DRAXIN: variants seen among roughly 807,000 people sequenced by gnomAD.
The protein encoded by DRAXIN is dorsal repulsive axon guidance protein.
Under a neutral mutation model 33.9 loss-of-function variants are expected in DRAXIN, and 27 were observed. That is an observed-to-expected ratio of 0.80 (90% CI 0.59 to 1.10). The LOEUF is 1.10. DRAXIN is among the 50% of genes least tolerant of loss of function. DRAXIN has a pLI of 0.00. For synonymous variants in DRAXIN, 178 were observed against 194.0 expected, an observed-to-expected ratio of 0.92 and a Z score of 0.69; for missense variants, 371 against 460.8, an observed-to-expected ratio of 0.81 and a Z score of 1.78.
At chr1:11,690,645 C>A (rs1251206654), upstream of DRAXIN, among the ~76,000 whole-genome samples, 1 of 152,294 alleles carries the variant, frequency 6.6e-6, no homozygotes, top group East Asian at 1.9e-4. This position sits in a 1 kb window ranked among gnomAD's most constrained non-coding sequence, Gnocchi z 4.2. Context: ...AGCCACCTGG[C>A]GAGCTCAGGG....
chr1:11,719,433 T>C (rs773535723), intron 6 of DRAXIN, 151 bp from the exon 7 acceptor site: 33 of 655,998 alleles, frequency 5.0e-5, no homozygotes, highest in Non-Finnish European at 7.8e-5. Flanking sequence ...TTCGTGTCTT[T>C]TAAGCTCATT....
intron 6 of DRAXIN, among the ~76,000 whole-genome samples, chr1:11,717,956 A>G (rs1641601882): frequency 7.3e-6 from 1 of 137,228 alleles, no homozygotes; most frequent in South Asian, 2.4e-4. Context: ...AGATCTTGCC[A>G]TGCCACTGCA....
At chr1:11,709,766 G>A (rs1641447591) in intron 3 of DRAXIN, among the ~76,000 whole-genome samples, 3 of 152,350 alleles carry the variant, frequency 2.0e-5, no homozygotes, top group East Asian at 1.9e-4. Context: ...AGCAAGGCCT[G>A]GGGAGGAGCT....
chr1:11,712,199 A>G, intron 4 of DRAXIN, 141 bp from the exon 5 acceptor site: 1 of 1,021,836 alleles, frequency 9.8e-7, no homozygotes, highest in South Asian at 1.4e-5. Flanking sequence ...ACCCTGAGGG[A>G]AAATACCTGT....
chr1:11,701,331 A>T lies in DRAXIN; in HGVS notation c.-10-4918A>T, dbSNP rs143201997. ...GGCTTTGCCACTTGCCAGTTGTGCC[A>T]TCTTGGATTTGTGGCTTACAACCCC... On this transcript the variant is annotated intron_variant, in intron 1 of 6. Transcript: ENST00000294485. 4.8e-3 allele frequency among the ~76,000 whole-genome samples: 735 copies of T among 152,270 alleles called. 4 individuals are homozygous for T. The highest frequency in any genetic ancestry group is 7.2e-3 in the Non-Finnish European group (493 of 68,012).
intron 3 of DRAXIN, among the ~76,000 whole-genome samples, chr1:11,711,120 C>T (rs1284680170): frequency 1.3e-5 from 2 of 152,154 alleles, no homozygotes; most frequent in South Asian, 2.1e-4. Flanking sequence ...GGTGAAACCC[C>T]GTCTCTACAA....
chr1:11,719,794 C>T lies in DRAXIN; in HGVS notation c.*98C>T, dbSNP rs918859151. 1.1e-5 allele frequency: 12 copies of T among 1,112,242 alleles called. No individual in the cohort carries two copies. The highest frequency in any genetic ancestry group is 1.5e-5 in the Non-Finnish European group (11 of 753,616). The allele number at this position is 1,112,242 out of a possible 1,614,324, so 68.9% of individuals were successfully genotyped here. A position where few individuals can be genotyped will look rare whatever the true frequency, so the allele number is the denominator to read the frequency against. On this transcript the variant is annotated 3_prime_UTR_variant, in exon 7 of 7. Coordinates refer to ENST00000294485, the MANE Select transcript of DRAXIN (RefSeq NM_198545.4). ...GGAGATCAAGTTGGGGAACAGATGG[C>T]TGAGGCTGCAGACTCAGGCCCAGGA...
chr1:11,692,392 C>T lies in DRAXIN; in HGVS notation c.-11+539C>T, dbSNP rs1293887885. 1.3e-5 allele frequency among the ~76,000 whole-genome samples: 2 copies of T among 152,178 alleles called. No homozygotes were observed. The highest frequency in any genetic ancestry group is 6.5e-5 in the Admixed American group (1 of 15,286). Reference sequence around the variant, plus strand: ...CGCCCAGGAGGCTGGGGTGTGTGGCCGGGGTCGCTGAGTGCGCCCGGAACC... The same window carrying T: ...CGCCCAGGAGGCTGGGGTGTGTGGCTGGGGTCGCTGAGTGCGCCCGGAACC... On this transcript the variant is annotated intron_variant, in intron 1 of 6. Coordinates refer to ENST00000294485, the MANE Select transcript of DRAXIN (RefSeq NM_198545.4). The surrounding 1 kb of genome is among the most constrained non-coding windows in gnomAD (Gnocchi z 5.8).
intron 1 of DRAXIN, among the ~76,000 whole-genome samples, chr1:11,698,708 T>G (rs1641228561): frequency 6.6e-6 from 1 of 152,082 alleles, no homozygotes; most frequent in Non-Finnish European, 1.5e-5. Context: ...TAAGAAAAAA[T>G]TAGCCTGGCA....
rs2100726377 is a variant in DRAXIN, at chr1:11,692,284, C to G, written c.-11+431C>G. Among the ~76,000 whole-genome samples, 1 of 152,292 alleles carries G rather than the reference C, an allele frequency of 6.6e-6. No individual in the cohort carries two copies. Among genetic ancestry groups the G allele is most frequent in the Admixed American group, 6.5e-5 (1 of 15,306 alleles). On this transcript the variant is annotated intron_variant, in intron 1 of 6. Coordinates refer to ENST00000294485, the MANE Select transcript of DRAXIN (RefSeq NM_198545.4). This position sits in a 1 kb window ranked among gnomAD's most constrained non-coding sequence, Gnocchi z 5.8. Reference sequence around the variant, plus strand: ...GGTCTCTCAGGCAGGGGGCCCCAGTCCGCCACCGTTGGAAGAAGTCTTCGA... The same window carrying G: ...GGTCTCTCAGGCAGGGGGCCCCAGTGCGCCACCGTTGGAAGAAGTCTTCGA...
chr1:11,699,521 A>C (rs1318537198), intron 1 of DRAXIN, among the ~76,000 whole-genome samples: 1 of 152,096 alleles, frequency 6.6e-6, no homozygotes, highest in African/African-American at 2.4e-5. Flanking sequence ...AGAGACAGGG[A>C]CTTACTATGT....
chr1:11,688,692 G>A (rs1641006517), upstream of DRAXIN, among the ~76,000 whole-genome samples: 1 of 152,170 alleles, frequency 6.6e-6, no homozygotes, highest in Non-Finnish European at 1.5e-5. The surrounding 1 kb of genome is among the most constrained non-coding windows in gnomAD (Gnocchi z 4.6). Flanking sequence ...ATTGTTAGAG[G>A]TGTCTGAACC....
In DRAXIN at chr1:11,704,671, G is replaced by T. The variant is rs1251840574; in HGVS notation, c.-10-1578G>T. Reference sequence around the variant, plus strand: ...GGATGCAGGTGTGATGGGAGACAGGGTTGTCACAACAAGCCTGTCCCAGGG... The same window carrying T: ...GGATGCAGGTGTGATGGGAGACAGGTTTGTCACAACAAGCCTGTCCCAGGG... On this transcript the variant is annotated intron_variant, in intron 1 of 6. Coordinates refer to ENST00000294485, the MANE Select transcript of DRAXIN (RefSeq NM_198545.4). The surrounding 1 kb of genome is among the most constrained non-coding windows in gnomAD (Gnocchi z 4.6). 1.3e-5 allele frequency among the ~76,000 whole-genome samples: 2 copies of T among 152,202 alleles called. No homozygotes were observed. Among genetic ancestry groups the T allele is most frequent in the Non-Finnish European group, 2.9e-5 (2 of 68,026 alleles).
At chr1:11,712,031 G>C in intron 4 of DRAXIN, 66 bp downstream of exon 4, 1 of 1,519,224 alleles carries the variant, frequency 6.6e-7, no homozygotes, top group Non-Finnish European at 9.0e-7. Context: ...ATCTGTTGAG[G>C]TGGGGGCCCC....
chr1:11,696,630 A>C lies in DRAXIN; in HGVS notation c.-11+4777A>C, dbSNP rs1031498878. On this transcript the variant is annotated intron_variant, in intron 1 of 6. Transcript: ENST00000294485. This position sits in a 1 kb window ranked among gnomAD's most constrained non-coding sequence, Gnocchi z 4.7. Reference sequence around the variant, plus strand: ...AACACTTTGGGAGGCCAAAGCGAGCAGGTCACGAGGTCAAGAGATCGAGAA... The same window carrying C: ...AACACTTTGGGAGGCCAAAGCGAGCCGGTCACGAGGTCAAGAGATCGAGAA... Among the ~76,000 whole-genome samples, 4 of 151,630 alleles carry C rather than the reference A, an allele frequency of 2.6e-5. No individual in the cohort carries two copies. Among genetic ancestry groups the C allele is most frequent in the Non-Finnish European group, 5.9e-5 (4 of 67,926 alleles).
In DRAXIN at chr1:11,704,190, C is replaced by T. The variant is rs575554792; in HGVS notation, c.-10-2059C>T. 6.6e-5 allele frequency among the ~76,000 whole-genome samples: 10 copies of T among 152,290 alleles called. No individual in the cohort carries two copies. The highest frequency in any genetic ancestry group is 3.4e-3 in the Middle Eastern group (1 of 294). On this transcript the variant is annotated intron_variant, in intron 1 of 6. Coordinates refer to ENST00000294485, the MANE Select transcript of DRAXIN (RefSeq NM_198545.4). This position sits in a 1 kb window ranked among gnomAD's most constrained non-coding sequence, Gnocchi z 4.6. Reference sequence around the variant, plus strand: ...GGTGGTGATTCCTTTCATTGGCCAACGTCCCGAGGTTTCCCTGTCCCTAGG... The same window carrying T: ...GGTGGTGATTCCTTTCATTGGCCAATGTCCCGAGGTTTCCCTGTCCCTAGG...
In DRAXIN at chr1:11,723,454, A is replaced by ACCTAG. The variant is rs2100748069; in HGVS notation, c.*3762_*3763insGCCTA. On this transcript the variant is annotated 3_prime_UTR_variant, in exon 7 of 7. Transcript: ENST00000294485. ...TAGCAGTGTGGCTGGTGTTAAATCC[A>ACCTAG]CCTATTCCACCTCTCACAGCTTTGG... The ACCTAG allele has an allele frequency of 6.6e-6, 1 of 152,144 alleles. No homozygotes were observed. Among genetic ancestry groups the ACCTAG allele is most frequent in the East Asian group, 1.9e-4 (1 of 5,180 alleles). 9.4% of individuals were successfully genotyped at this position (152,144 alleles called of 1,614,324 possible). A position where few individuals can be genotyped will look rare whatever the true frequency, so the allele number is the denominator to read the frequency against.
intron 2 of DRAXIN, 25 bp from the exon 3 acceptor site, chr1:11,709,250 C>A: frequency 6.3e-7 from 1 of 1,589,404 alleles, no homozygotes; most frequent in South Asian, 1.1e-5. Flanking sequence ...GATATAGCCC[C>A]CGTGCTCCCC....
At chr1:11,716,417 C>A (rs1641578966) in intron 6 of DRAXIN, among the ~76,000 whole-genome samples, 1 of 152,154 alleles carries the variant, frequency 6.6e-6, no homozygotes, top group Admixed American at 6.5e-5. Context: ...AACAAAATGC[C>A]AAACATGAAC....
Sources: gnomAD v4.1 joint callset for allele counts (sites outside exome capture counted in the v4.1 genomes callset) on GRCh38, gnomAD v4.1.1 for gene constraint, Gnocchi (gnomAD v3.1) non-coding constraint, MANE v1.5 for transcripts, NCBI Gene and HGNC (gene_info 2026-07-23, HGNC 2026-07-21) for gene names.